Variants in NBAS observed in about 807,000 individuals in gnomAD.
The protein encoded by NBAS is NBAS subunit of NRZ tethering complex.
Under a neutral mutation model 302.5 loss-of-function variants are expected in NBAS, and 219 were observed. The observed-to-expected ratio is 0.72, with a 90% CI of 0.65 to 0.81. The LOEUF is 0.81. Among genes scored for constraint, NBAS ranks in the 30% least tolerant of loss-of-function variants. The pLI, the probability that NBAS is intolerant of heterozygous loss-of-function variation, is 0.00. For missense variants in NBAS, 2,932 were observed against 2,841.6 expected, an observed-to-expected ratio of 1.03 and a Z score of -0.72; for synonymous variants, 1,118 against 1,021.6, an observed-to-expected ratio of 1.09 and a Z score of -1.80.
intron 38 of NBAS, among the ~76,000 whole-genome samples, chr2:15,322,662 A>T (rs555908287): frequency 2.4e-3 from 360 of 152,238 alleles, no homozygotes; most frequent in African/African-American, 7.8e-3. Context: ...ATAAAGTCAG[A>T]TTATGTTAGG....
chr2:15,494,697 CAATA>C (rs748996765), intron 11 of NBAS, among the ~76,000 whole-genome samples: 92 of 152,206 alleles, frequency 6.0e-4, no homozygotes, highest in Non-Finnish European at 1.0e-3. Context: ...TGAAATAAGA[CAATA>C]AAGAGTGATG....
At chr2:14,920,455 C>T in the NBAS span, among the ~76,000 whole-genome samples, 1 of 152,162 alleles carries the variant, frequency 6.6e-6, no homozygotes, top group Non-Finnish European at 1.5e-5. Flanking sequence ...GCTATATTAT[C>T]CTTTAACAGG....
At chr2:15,508,479 C>T (rs1298379239) in intron 10 of NBAS, among the ~76,000 whole-genome samples, 1 of 152,190 alleles carries the variant, frequency 6.6e-6, no homozygotes, top group Non-Finnish European at 1.5e-5. Context: ...CACGTTCTCT[C>T]CTTATATCCT....
chr2:15,064,751 G>C, the NBAS span, among the ~76,000 whole-genome samples: 2 of 152,124 alleles, frequency 1.3e-5, no homozygotes, highest in African/African-American at 4.8e-5. Flanking sequence ...ACCAAAGCCA[G>C]ACAAAGGCAC....
At chr2:15,093,568 T>C in the NBAS span, among the ~76,000 whole-genome samples, 4 of 152,242 alleles carry the variant, frequency 2.6e-5, no homozygotes, top group Non-Finnish European at 1.5e-5. Flanking sequence ...TTTGACCCAG[T>C]AATTCTATTT....
intron 40 of NBAS, among the ~76,000 whole-genome samples, chr2:15,301,801 C>A (rs1359672614): frequency 2.0e-5 from 3 of 152,124 alleles, no homozygotes; most frequent in Admixed American, 2.0e-4. Flanking sequence ...AACACCTGAA[C>A]CAAGTAGCTA....
chr2:15,466,810 G>A (rs1679743285), intron 19 of NBAS, among the ~76,000 whole-genome samples: 1 of 151,942 alleles, frequency 6.6e-6, no homozygotes, highest in Non-Finnish European at 1.5e-5. Flanking sequence ...GGTGGCATGT[G>A]CCTGTAGTTC....
the NBAS span, among the ~76,000 whole-genome samples, chr2:14,997,699 C>T: frequency 6.6e-6 from 1 of 152,128 alleles, no homozygotes; most frequent in Non-Finnish European, 1.5e-5. Context: ...CATCACCACG[C>T]TGTGTATTAG....
rs1298137797 is a variant in NBAS, at chr2:15,178,245, ATGTATG to A, written c.6840+737_6840+742del. On this transcript the variant is annotated intron_variant, in intron 51 of 51. Coordinates refer to ENST00000281513, the MANE Select transcript of NBAS (RefSeq NM_015909.4). ...ACAATGTAAAATTACATATGTGTGC[ATGTATG>A]TGTATGTGTATAGTGTACATACTCA... 4.4e-5 allele frequency: 20 copies of A among 452,354 alleles called. 1 individual carries two copies. Among genetic ancestry groups the A allele is most frequent in the Admixed American group, 4.3e-4 (18 of 42,182 alleles). 28.0% of individuals were successfully genotyped at this position (452,354 alleles called of 1,614,324 possible). A position where few individuals can be genotyped will look rare whatever the true frequency, so the allele number is the denominator to read the frequency against.
intron 40 of NBAS, among the ~76,000 whole-genome samples, chr2:15,305,421 T>A (rs1670985182): frequency 6.6e-6 from 1 of 151,920 alleles, no homozygotes; most frequent in Non-Finnish European, 1.5e-5. Context: ...TTAAATCTCT[T>A]TCTTTATAAA....
the NBAS span, among the ~76,000 whole-genome samples, chr2:15,085,336 C>T: frequency 6.6e-6 from 1 of 151,992 alleles, no homozygotes; most frequent in African/African-American, 2.4e-5. Flanking sequence ...GGAGGAGGCT[C>T]TGCACAGGGC....
intron 5 of NBAS, 45 bp downstream of exon 5, chr2:15,553,381 T>C (rs368444174): frequency 2.7e-6 from 4 of 1,508,744 alleles, no homozygotes; most frequent in Non-Finnish European, 3.7e-6. Flanking sequence ...GAGTAACAAA[T>C]ATTTCTCAAA....
chr2:15,255,049 T>C (rs189020552), intron 44 of NBAS, among the ~76,000 whole-genome samples: 117 of 152,324 alleles, frequency 7.7e-4, no homozygotes, highest in African/African-American at 2.7e-3. Flanking sequence ...GTTTTTTTCA[T>C]ATAATGACTT....
chr2:14,847,382 T>TAAAAAAAAAAA, the NBAS span, among the ~76,000 whole-genome samples: 1 of 53,166 alleles, frequency 1.9e-5, no homozygotes, highest in Non-Finnish European at 3.5e-5. Flanking sequence ...GACTCTATCT[T>TAAAAAAAAAAA]AAAAAAAAAA....
the NBAS span, among the ~76,000 whole-genome samples, chr2:14,814,393 G>T: frequency 4.6e-5 from 7 of 152,224 alleles, no homozygotes; most frequent in Admixed American, 1.3e-4. Context: ...CAGGGGCAAA[G>T]CTACCCAAGG....
At chr2:15,143,877 T>G in the NBAS span, among the ~76,000 whole-genome samples, 1 of 151,774 alleles carries the variant, frequency 6.6e-6, no homozygotes, top group Non-Finnish European at 1.5e-5. Flanking sequence ...CCTCCCAGCC[T>G]ACATCTTTCT....
chr2:14,886,719 A>G, the NBAS span: 2 of 152,164 alleles, frequency 1.3e-5, no homozygotes, highest in African/African-American at 2.4e-5. Flanking sequence ...TTTCCTTCCC[A>G]TCTTCCTCCG....
At chr2:15,250,052 A>G (rs1442577037) in intron 44 of NBAS, among the ~76,000 whole-genome samples, 1 of 152,210 alleles carries the variant, frequency 6.6e-6, no homozygotes, top group Non-Finnish European at 1.5e-5. Flanking sequence ...ATGCTACCTG[A>G]CTTCAAACTA....
chr2:15,109,313 CA>C, the NBAS span, among the ~76,000 whole-genome samples: 3 of 152,138 alleles, frequency 2.0e-5, no homozygotes, highest in African/African-American at 7.2e-5. Context: ...CAACAACCAA[CA>C]GTCATGAATG....
Sources: gnomAD v4.1 joint callset for allele counts (sites outside exome capture counted in the v4.1 genomes callset) on GRCh38, gnomAD v4.1.1 for gene constraint, MANE v1.5 for transcripts, NCBI Gene and HGNC (gene_info 2026-07-23, HGNC 2026-07-21) for gene names.